The following WWOX variants were observed in gnomAD, a reference collection of about 807,000 sequenced individuals.
The protein encoded by WWOX is WW domain containing oxidoreductase, also known as WW domain-containing oxidoreductase.
Under a neutral mutation model 46.2 loss-of-function variants are expected in WWOX, and 69 were observed. The observed-to-expected ratio is 1.49, with a 90% confidence interval of 1.23 to 1.82. The LOEUF is 1.82. WWOX is among the 40% of genes most tolerant of loss of function. The pLI is 0.00. For missense variants in WWOX, 919 were observed against 542.6 expected (o/e 1.69, Z -6.89); for synonymous variants, 359 against 202.6 (o/e 1.77, Z -6.56).
intron 8 of WWOX, among the ~76,000 whole-genome samples, chr16:78,531,595 C>T (rs975326904): frequency 1.3e-5 from 2 of 152,258 alleles, no homozygotes; most frequent in East Asian, 1.9e-4. Context: ...GTAATCCCAG[C>T]ACTTTGGGAG....
At chr16:79,000,492 A>G (rs2047072087) in intron 8 of WWOX, among the ~76,000 whole-genome samples, 1 of 152,020 alleles carries the variant, frequency 6.6e-6, no homozygotes, top group African/African-American at 2.4e-5. Context: ...ATGGGTCATA[A>G]TCAGAGAGGT....
At chr16:78,702,250 A>G (rs150246946) in intron 8 of WWOX, among the ~76,000 whole-genome samples, 1,948 of 150,496 alleles carry the variant, frequency 0.013, 18 homozygotes, top group South Asian at 0.036. Flanking sequence ...ACTATACTCC[A>G]GCCTGGGTGA....
chr16:78,781,646 G>T (rs942496185), intron 8 of WWOX, among the ~76,000 whole-genome samples: 8 of 152,160 alleles, frequency 5.3e-5, no homozygotes, highest in Admixed American at 6.5e-5. Context: ...ATTGGGCCGG[G>T]CTTGGTGGCT....
intron 8 of WWOX, among the ~76,000 whole-genome samples, chr16:78,867,066 A>T (rs544180121): frequency 6.6e-6 from 1 of 152,292 alleles, no homozygotes; most frequent in South Asian, 2.1e-4. Flanking sequence ...TTGAGGAAGT[A>T]TTCACAATTG....
At position 78,759,110 on chromosome 16, in the gene WWOX, G is replaced by C. The variant is rs572524221; in HGVS notation, c.1056+326358G>C. On this transcript the variant is annotated intron_variant, in intron 8 of 8. Coordinates refer to ENST00000566780, the MANE Select transcript of WWOX (RefSeq NM_016373.4). ...TAGTACAAGTTGTATATGGGTGCCA[G>C]TTAGGGATTCCTGGCTGATCTGTGC... Among the ~76,000 whole-genome samples the C allele has an allele frequency of 1.9e-4, 29 of 152,252 alleles. No homozygotes were observed. In the South Asian group the frequency reaches 4.1e-3, roughly 22 times the overall value.
At chr16:78,448,275 G>A (rs182997045) in intron 8 of WWOX, among the ~76,000 whole-genome samples, 15 of 151,852 alleles carry the variant, frequency 9.9e-5, no homozygotes, top group Non-Finnish European at 1.3e-4. Flanking sequence ...TCCTCAAGAC[G>A]AGCAAAAAAG....
intron 8 of WWOX, among the ~76,000 whole-genome samples, chr16:79,140,581 C>T (rs1306274743): frequency 6.6e-6 from 1 of 152,198 alleles, no homozygotes; most frequent in Non-Finnish European, 1.5e-5. Flanking sequence ...TCAGCATTGA[C>T]CGCATGAAGG....
chr16:78,239,065 G>A (rs1178014581), intron 5 of WWOX, among the ~76,000 whole-genome samples: 1 of 152,116 alleles, frequency 6.6e-6, no homozygotes, highest in Non-Finnish European at 1.5e-5. Flanking sequence ...ACCTGGCCAC[G>A]CATCCCCCGT....
At chr16:78,329,628 A>T (rs2080710976) in intron 5 of WWOX, among the ~76,000 whole-genome samples, 1 of 152,234 alleles carries the variant, frequency 6.6e-6, no homozygotes. Context: ...AGTTTCCTGC[A>T]CACGCTTAAG....
chr16:78,894,170 C>G (rs1311294616), intron 8 of WWOX, among the ~76,000 whole-genome samples: 6 of 152,002 alleles, frequency 3.9e-5, no homozygotes, highest in African/African-American at 9.7e-5. Flanking sequence ...TCCTGAATAG[C>G]TGGAGCTACA....
At chr16:78,407,982 C>T (rs74028187) in intron 6 of WWOX, among the ~76,000 whole-genome samples, 1,573 of 152,256 alleles carry the variant, frequency 0.01, 21 homozygotes, top group African/African-American at 0.036. Context: ...AGCCAAGTCC[C>T]CTGTCCCTGC....
chr16:78,196,347 A>T (rs1437828335), intron 5 of WWOX, among the ~76,000 whole-genome samples: 1 of 152,186 alleles, frequency 6.6e-6, no homozygotes, highest in Non-Finnish European at 1.5e-5. Context: ...TTATCTTTTC[A>T]TTCTAATTCC....
At chr16:78,408,560 T>A (rs148823752) in intron 6 of WWOX, among the ~76,000 whole-genome samples, 2 of 152,324 alleles carry the variant, frequency 1.3e-5, no homozygotes, top group Non-Finnish European at 2.9e-5. Flanking sequence ...GCAGAAAGAC[T>A]GTATCACAGG....
chr16:79,181,076 C>T (rs921784873), intron 8 of WWOX, among the ~76,000 whole-genome samples: 22 of 152,036 alleles, frequency 1.4e-4, no homozygotes, highest in African/African-American at 4.6e-4. Flanking sequence ...AAGAAGAAAA[C>T]GCTCGTAATT....
rs1411663458 is a variant in WWOX at position 78,339,014 on chromosome 16, C to T, written c.517-47846C>T. 3.3e-5 allele frequency among the ~76,000 whole-genome samples: 4 copies of T among 119,902 alleles called. 1 individual carries two copies. The highest frequency in any genetic ancestry group is 1.1e-4 in the African/African-American group (4 of 35,492). The allele number at this position is 119,902 out of a possible 152,430, so 78.7% of individuals were successfully genotyped here. ...ATGTAAACTGTTACTTCTTCATTTT[C>T]TAGTCTTAGATATTATCTGTAGGTT... On this transcript the variant is annotated intron_variant, in intron 5 of 8. Coordinates refer to ENST00000566780, the MANE Select transcript of WWOX (RefSeq NM_016373.4).
At chr16:78,927,571 G>T (rs902371900) in intron 8 of WWOX, among the ~76,000 whole-genome samples, 1 of 152,106 alleles carries the variant, frequency 6.6e-6, no homozygotes, top group African/African-American at 2.4e-5. Context: ...CTGAAGTTGC[G>T]TAGGTACCAG....
At position 78,380,236 on chromosome 16, in the gene WWOX, GA is replaced by G. The variant is rs570289561; in HGVS notation, c.517-6623del. ...TTCTAAGGGGCAAGGAGGGTTGGGG[GA>G]TGAGAGGACAGGTACATAGTGTGGA... On this transcript the variant is annotated intron_variant, in intron 5 of 8. Coordinates refer to ENST00000566780, the MANE Select transcript of WWOX (RefSeq NM_016373.4). 3.0e-3 allele frequency among the ~76,000 whole-genome samples: 452 copies of G among 152,284 alleles called. 2 individuals carry two copies. The highest frequency in any genetic ancestry group is 0.011 in the African/African-American group (440 of 41,542).
intron 8 of WWOX, among the ~76,000 whole-genome samples, chr16:78,917,264 A>G (rs1439073371): frequency 6.6e-6 from 1 of 152,224 alleles, no homozygotes; most frequent in African/African-American, 2.4e-5. Context: ...GAGAGTCAGG[A>G]GGCGTGGTTC....
chr16:78,453,210 G>C (rs769022580), intron 8 of WWOX, among the ~76,000 whole-genome samples: 1 of 152,036 alleles, frequency 6.6e-6, no homozygotes, highest in Non-Finnish European at 1.5e-5. Flanking sequence ...GATTACCTAA[G>C]GTCAGGAGTT....
Sources: allele counts gnomAD v4.1 joint callset (sites outside exome capture counted in the v4.1 genomes callset), GRCh38; gene constraint gnomAD v4.1.1; transcripts MANE v1.5; gene names NCBI Gene and HGNC (gene_info 2026-07-23, HGNC 2026-07-21).